The following RANBP2 variants were observed in gnomAD, a reference collection of about 807,000 sequenced individuals.
RANBP2 encodes E3 SUMO-protein ligase RanBP2.
Under a neutral mutation model 303.6 loss-of-function variants are expected in RANBP2, and 57 were observed. The observed-to-expected ratio is 0.19, with a 90% CI of 0.15 to 0.23. The LOEUF (loss-of-function observed/expected upper bound fraction) is 0.23. Ranked by LOEUF, RANBP2 falls within the 10% of genes least tolerant of loss-of-function variation. RANBP2 has a pLI of 1.00. For synonymous variants in RANBP2, 1,167 were observed against 1,301.5 expected (o/e 0.90, Z 2.23); for missense variants, 3,138 against 3,780.8 (o/e 0.83, Z 4.46).
At chr2:109,049,897 G>T in the RANBP2 span, among the ~76,000 whole-genome samples, 1 of 152,158 alleles carries the variant, frequency 6.6e-6, no homozygotes, top group African/African-American at 2.4e-5. Context: ...AGACCATAGG[G>T]CTGACCGACA....
the RANBP2 span, among the ~76,000 whole-genome samples, chr2:109,169,778 C>T: frequency 6.6e-6 from 1 of 151,710 alleles, no homozygotes; most frequent in Non-Finnish European, 1.5e-5. Flanking sequence ...ACACATGACC[C>T]CCCAAAATCA....
At chr2:109,286,424 T>G in the RANBP2 span, among the ~76,000 whole-genome samples, 1 of 152,162 alleles carries the variant, frequency 6.6e-6, no homozygotes, top group Non-Finnish European at 1.5e-5. Flanking sequence ...GCAAAGGGCA[T>G]GGGGCTCAGG....
chr2:109,416,135 C>T, the RANBP2 span, among the ~76,000 whole-genome samples: 1 of 152,160 alleles, frequency 6.6e-6, no homozygotes, highest in African/African-American at 2.4e-5. Flanking sequence ...TATAAATTAC[C>T]CAGTTTTAGG....
chr2:108,726,132 A>C (rs190696766), intron 1 of RANBP2, among the ~76,000 whole-genome samples: 1 of 152,208 alleles, frequency 6.6e-6, no homozygotes, highest in South Asian at 2.1e-4. Flanking sequence ...ACATTTCATG[A>C]GTTTTAAATT....
chr2:109,105,889 T>C, the RANBP2 span, among the ~76,000 whole-genome samples: 1 of 145,578 alleles, frequency 6.9e-6, no homozygotes, highest in Non-Finnish European at 1.5e-5. Context: ...AATCACGCTC[T>C]GTCGCCCAGG....
At chr2:109,371,819 C>A in the RANBP2 span, 1 of 739,010 alleles carries the variant, frequency 1.4e-6, no homozygotes. Flanking sequence ...CAGAGAGCTG[C>A]TATGTGTGGG....
chr2:109,689,372 C>G, the RANBP2 span, among the ~76,000 whole-genome samples: 2 of 152,104 alleles, frequency 1.3e-5, no homozygotes, highest in African/African-American at 4.8e-5. Flanking sequence ...GGACATGTGA[C>G]ATTCCATAGG....
chr2:109,134,349 G>C, the RANBP2 span, among the ~76,000 whole-genome samples: 4 of 152,116 alleles, frequency 2.6e-5, no homozygotes, highest in African/African-American at 9.7e-5. Context: ...GGCACTTGGG[G>C]GCCTCACCAA....
chr2:109,340,516 G>A, the RANBP2 span, among the ~76,000 whole-genome samples: 7 of 152,284 alleles, frequency 4.6e-5, no homozygotes, highest in Middle Eastern at 3.4e-3. Flanking sequence ...CTGGAGGGGC[G>A]GTCCTCAGTT....
chr2:109,093,406 T>TAAAAAA, the RANBP2 span, among the ~76,000 whole-genome samples: 17 of 90,460 alleles, frequency 1.9e-4, no homozygotes, highest in Non-Finnish European at 2.6e-4. Context: ...CGGAGATTTG[T>TAAAAAA]AAAAAAAAAA....
At chr2:109,273,247 G>C in the RANBP2 span, among the ~76,000 whole-genome samples, 5 of 152,360 alleles carry the variant, frequency 3.3e-5, no homozygotes, top group African/African-American at 1.2e-4. Flanking sequence ...TGCCTGCCAG[G>C]CTGGGAAGGC....
At chr2:109,608,908 T>C in the RANBP2 span, among the ~76,000 whole-genome samples, 1 of 152,236 alleles carries the variant, frequency 6.6e-6, no homozygotes, top group South Asian at 2.1e-4. Context: ...ATGCTCAAAA[T>C]CTAAAGCAGA....
chr2:108,992,077 G>C, the RANBP2 span, among the ~76,000 whole-genome samples: 3 of 152,164 alleles, frequency 2.0e-5, no homozygotes, highest in Non-Finnish European at 2.9e-5. Flanking sequence ...TGGGACTACA[G>C]GTGTGAGCCA....
At chr2:109,344,980 C>T in the RANBP2 span, among the ~76,000 whole-genome samples, 2 of 152,238 alleles carry the variant, frequency 1.3e-5, no homozygotes, top group South Asian at 2.1e-4. Context: ...GGGTCTGCAT[C>T]AGTGAAGGGG....
At position 108,758,495 on chromosome 2, in the gene RANBP2, C is replaced by G. The variant is rs756878831; in HGVS notation, c.2549C>G (p.Ser850Ter). Residue 850 changes from serine (S) to a stop codon, truncating the protein, a stop_gained, in exon 18 of 29, where the codon TCA becomes TGA. Coordinates refer to ENST00000283195, the MANE Select transcript of RANBP2 (RefSeq NM_006267.5). LOFTEE classifies it high-confidence loss of function. Reference protein sequence around the residue: ...RWPTENYGPDSVPDGYQGSQT... With the variant: ...RWPTENYGPD ...CCCACAGAGAATTATGGACCAGACT[C>G]AGTGCCTGATGGATATCAGGGGTCA... 1 of 1,611,352 alleles carries G rather than the reference C, an allele frequency of 6.2e-7. No individual in the cohort carries two copies. Among genetic ancestry groups the G allele is most frequent in the Non-Finnish European group, 8.5e-7 (1 of 1,179,792 alleles).
At chr2:109,000,729 C>T in the RANBP2 span, among the ~76,000 whole-genome samples, 3 of 152,254 alleles carry the variant, frequency 2.0e-5, no homozygotes, top group Admixed American at 2.0e-4. Context: ...TGGGCATTTC[C>T]CATGAGCCAG....
the RANBP2 span, among the ~76,000 whole-genome samples, chr2:109,353,110 T>C: frequency 2.0e-5 from 3 of 152,344 alleles, no homozygotes; most frequent in South Asian, 6.2e-4. Flanking sequence ...TCAGTGGCTC[T>C]CCACCTGTCC....
At chr2:108,787,710 TG>T (rs1372709854), downstream of RANBP2, among the ~76,000 whole-genome samples, 2 of 152,142 alleles carry the variant, frequency 1.3e-5, no homozygotes, top group Admixed American at 1.3e-4. Context: ...TCTGTAAGGT[TG>T]TTTTTTTTTT....
chr2:109,313,895 T>C, the RANBP2 span, among the ~76,000 whole-genome samples: 223 of 132,212 alleles, frequency 1.7e-3, 5 homozygotes, highest in Non-Finnish European at 3.6e-4. Flanking sequence ...GTGGAGGAGA[T>C]ATTTGAAAGG....
Sources: allele counts gnomAD v4.1 joint callset (sites outside exome capture counted in the v4.1 genomes callset), GRCh38; gene constraint gnomAD v4.1.1; transcripts MANE v1.5; gene names NCBI Gene and HGNC (gene_info 2026-07-23, HGNC 2026-07-21).